The following NEMP2 variants were observed in gnomAD, a reference collection of about 807,000 sequenced individuals.
NEMP2 encodes UPF0571 transmembrane protein.
Under a neutral mutation model 54.2 loss-of-function variants are expected in NEMP2, and 53 were observed. That is an observed-to-expected ratio of 0.98 (90% CI 0.78 to 1.23). The LOEUF (loss-of-function observed/expected upper bound fraction) is 1.23. NEMP2 is among the 50% of genes most tolerant of loss of function. NEMP2 has a pLI of 0.00. For missense variants in NEMP2, 455 were observed against 511.3 expected (o/e 0.89, Z 1.06); for synonymous variants, 197 against 190.3 (o/e 1.04, Z -0.29).
the NEMP2 span, among the ~76,000 whole-genome samples, chr2:190,457,606 A>ACTT: frequency 6.6e-6 from 1 of 152,204 alleles, no homozygotes; most frequent in South Asian, 2.1e-4. The surrounding 1 kb of genome is among the most constrained non-coding windows in gnomAD (Gnocchi z 5.1). Flanking sequence ...AATCTCAGAC[A>ACTT]CTTCTGCATG....
At chr2:190,518,049 G>A (rs1690623652) in intron 4 of NEMP2, among the ~76,000 whole-genome samples, 1 of 152,156 alleles carries the variant, frequency 6.6e-6, no homozygotes, top group Non-Finnish European at 1.5e-5. Flanking sequence ...GGTTTCTAAA[G>A]TTCATGGATG....
chr2:190,464,740 CTTAT>C, the NEMP2 span: 9 of 176,926 alleles, frequency 5.1e-5, no homozygotes, highest in African/African-American at 7.2e-5. Context: ...TTATATTTAA[CTTAT>C]TTGTTTATGT....
chr2:190,473,562 A>G, the NEMP2 span, among the ~76,000 whole-genome samples: 1 of 152,212 alleles, frequency 6.6e-6, no homozygotes. Flanking sequence ...GAGCACCCAG[A>G]TTCATAAAGC....
the NEMP2 span, among the ~76,000 whole-genome samples, chr2:190,554,879 G>A: frequency 6.6e-5 from 10 of 152,206 alleles, no homozygotes; most frequent in African/African-American, 2.4e-4. The surrounding 1 kb of genome is among the most constrained non-coding windows in gnomAD (Gnocchi z 5.7). Flanking sequence ...CCTCCCAATA[G>A]GGGCCGACAG....
the NEMP2 span, among the ~76,000 whole-genome samples, chr2:190,592,881 T>C: frequency 3.9e-5 from 6 of 152,320 alleles, no homozygotes; most frequent in African/African-American, 1.4e-4. This position sits in a 1 kb window ranked among gnomAD's most constrained non-coding sequence, Gnocchi z 4.4. Flanking sequence ...GAGTAATTAA[T>C]TCAAAATGTA....
chr2:190,574,503 G>A, the NEMP2 span, among the ~76,000 whole-genome samples: 28 of 152,118 alleles, frequency 1.8e-4, no homozygotes, highest in African/African-American at 6.5e-4. Context: ...CCCATTTAAA[G>A]TATGTAATTT....
the NEMP2 span, chr2:190,620,436 A>C: frequency 6.6e-6 from 1 of 152,194 alleles, no homozygotes; most frequent in East Asian, 1.9e-4. This position sits in a 1 kb window ranked among gnomAD's most constrained non-coding sequence, Gnocchi z 4.9. Context: ...AAAAACAAAA[A>C]CAAAACAAAA....
chr2:190,436,274 A>G, the NEMP2 span: 8 of 1,614,042 alleles, frequency 5.0e-6, no homozygotes, highest in East Asian at 1.1e-4. The surrounding 1 kb of genome is among the most constrained non-coding windows in gnomAD (Gnocchi z 5.3). Context: ...TACTCTGCCT[A>G]TGGCTCTCTC....
chr2:190,534,905 CCGGCCTCGGCCT>C (rs545546758), upstream of NEMP2: 72 of 350,008 alleles, frequency 2.1e-4, 1 homozygote, highest in Middle Eastern at 4.6e-3. Context: ...TGGCATGCTC[CCGGCCTCGGCCT>C]CGGCCTCGGC....
At chr2:190,639,843 C>T in the NEMP2 span, among the ~76,000 whole-genome samples, 21 of 151,982 alleles carry the variant, frequency 1.4e-4, no homozygotes, top group South Asian at 3.7e-3. Flanking sequence ...AGAGACGTGG[C>T]TTCACCATGT....
chr2:190,421,447 G>A, the NEMP2 span, among the ~76,000 whole-genome samples: 1 of 151,928 alleles, frequency 6.6e-6, no homozygotes, highest in Non-Finnish European at 1.5e-5. Flanking sequence ...TATTTTTAAA[G>A]TGAGAGTTAT....
the NEMP2 span, among the ~76,000 whole-genome samples, chr2:190,560,070 A>AG: frequency 6.6e-6 from 1 of 152,242 alleles, no homozygotes. The surrounding 1 kb of genome is among the most constrained non-coding windows in gnomAD (Gnocchi z 5.4). Flanking sequence ...CAGGACATAA[A>AG]GCAGAAGACC....
In NEMP2 at chr2:190,510,463, G is replaced by C; in HGVS notation, c.1028C>G (p.Ala343Gly). Residue 343 changes from alanine (A) to glycine (G), a missense_variant, in exon 8 of 9, where the codon GCT becomes GGT. This residue lies in a region of NEMP2 where 294 missense variants were observed against 333.6 expected (regional missense o/e 0.88). Transcript: ENST00000409150. The surrounding 1 kb of genome is among the most constrained non-coding windows in gnomAD (Gnocchi z 5.7). ...CAGAGCACTGTTCGTTTCAGCATCA[G>C]CTTGCTCCCTGTACTCGTCTTCCGT... ...YLTEDEYREQ[A>G]DAETNSALEE... The C allele has an allele frequency of 6.4e-7, 1 of 1,551,848 alleles. No homozygotes were observed. The highest frequency in any genetic ancestry group is 8.7e-7 in the Non-Finnish European group (1 of 1,147,042).
At chr2:190,449,899 G>T in the NEMP2 span, among the ~76,000 whole-genome samples, 26 of 152,188 alleles carry the variant, frequency 1.7e-4, no homozygotes, top group African/African-American at 6.3e-4. Context: ...AGCTTTAGGA[G>T]ATATACCTAA....
At chr2:190,443,207 C>G in the NEMP2 span, among the ~76,000 whole-genome samples, 1 of 152,226 alleles carries the variant, frequency 6.6e-6, no homozygotes, top group South Asian at 2.1e-4. The surrounding 1 kb of genome is among the most constrained non-coding windows in gnomAD (Gnocchi z 4.2). Context: ...ATAAAAGGAA[C>G]AGGACTTTAA....
chr2:190,604,222 A>G, the NEMP2 span, among the ~76,000 whole-genome samples: 1 of 152,192 alleles, frequency 6.6e-6, no homozygotes, highest in Non-Finnish European at 1.5e-5. The surrounding 1 kb of genome is among the most constrained non-coding windows in gnomAD (Gnocchi z 4.5). Context: ...TTACCCTGAA[A>G]ACCAACCCGA....
chr2:190,603,453 T>C, the NEMP2 span, among the ~76,000 whole-genome samples: 1 of 151,314 alleles, frequency 6.6e-6, no homozygotes, highest in Non-Finnish European at 1.5e-5. Context: ...CCGTAGCCAT[T>C]GTTCATCTGC....
the NEMP2 span, among the ~76,000 whole-genome samples, chr2:190,638,754 T>A: frequency 6.6e-6 from 1 of 152,132 alleles, no homozygotes; most frequent in Non-Finnish European, 1.5e-5. This position sits in a 1 kb window ranked among gnomAD's most constrained non-coding sequence, Gnocchi z 5.7. Flanking sequence ...AGCCCACACT[T>A]GGGAGATGCT....
rs758196013 is a variant in NEMP2 at position 190,504,447 on chromosome 2, G to C, written c.*4742C>G. 3 of 151,952 alleles carry C rather than the reference G, an allele frequency of 2.0e-5. No homozygotes were observed. Among genetic ancestry groups the C allele is most frequent in the Non-Finnish European group, 1.5e-5 (1 of 68,012 alleles). The allele number at this position is 151,952 out of a possible 1,614,324, so 9.4% of individuals were successfully genotyped here. On this transcript the variant is annotated 3_prime_UTR_variant, in exon 9 of 9. Transcript: ENST00000409150. The surrounding 1 kb of genome is among the most constrained non-coding windows in gnomAD (Gnocchi z 5.6). ...CTATATCTAGTAAGCTGTACAGTAA[G>C]GCATTCAATTCCAACATGCATTGTA...
Sources: gnomAD v4.1 joint callset for allele counts (sites outside exome capture counted in the v4.1 genomes callset) on GRCh38, gnomAD v4.1.1 for gene constraint, gnomAD v4.1.1 regional missense constraint, Gnocchi (gnomAD v3.1) non-coding constraint, MANE v1.5 for transcripts, NCBI Gene and HGNC (gene_info 2026-07-23, HGNC 2026-07-21) for gene names.